Variants in LRRTM4 observed in about 807,000 individuals in gnomAD.
LRRTM4 encodes leucine-rich repeat transmembrane neuronal protein 4.
Under a neutral mutation model 47.6 loss-of-function variants are expected in LRRTM4, and 25 were observed. The ratio of observed to expected loss-of-function variants is 0.53; its 90% CI spans 0.38 to 0.73. LRRTM4 has a LOEUF of 0.73. LRRTM4 is among the 30% of genes least tolerant of loss of function. The pLI, the probability that LRRTM4 is intolerant of heterozygous loss-of-function variation, is 0.00. For synonymous variants in LRRTM4, 311 were observed against 269.5 expected, an observed-to-expected ratio of 1.15 and a Z score of -1.51; for missense variants, 638 against 713.4, an observed-to-expected ratio of 0.89 and a Z score of 1.20.
chr2:77,360,476 TGATACGATAC>T (rs138905032), intron 3 of LRRTM4, among the ~76,000 whole-genome samples: 45,929 of 123,272 alleles, frequency 0.37, 9,525 homozygotes, highest in Non-Finnish European at 0.45. Context: ...CAATACGATA[TGATACGATAC>T]GATACGATAC....
At chr2:77,137,000 T>C (rs931462309) in intron 3 of LRRTM4, among the ~76,000 whole-genome samples, 3 of 152,034 alleles carry the variant, frequency 2.0e-5, no homozygotes, top group African/African-American at 4.8e-5. Context: ...CTACGTCTGA[T>C]TGGTGTACCT....
chr2:77,283,808 C>T (rs1676574058), intron 3 of LRRTM4, among the ~76,000 whole-genome samples: 1 of 151,852 alleles, frequency 6.6e-6, no homozygotes, highest in Admixed American at 6.6e-5. Flanking sequence ...ACAATAAAAA[C>T]TGGGGATTAC....
intron 3 of LRRTM4, among the ~76,000 whole-genome samples, chr2:77,339,567 T>C (rs569315661): frequency 2.0e-5 from 3 of 152,186 alleles, no homozygotes; most frequent in African/African-American, 4.8e-5. Flanking sequence ...CAATTAGAGA[T>C]GAAGAAATGA....
chr2:76,998,072 A>C (rs1677267023), intron 3 of LRRTM4, among the ~76,000 whole-genome samples: 1 of 152,018 alleles, frequency 6.6e-6, no homozygotes, highest in Admixed American at 6.6e-5. Flanking sequence ...ATATATTACA[A>C]TATAATAATA....
intron 3 of LRRTM4, among the ~76,000 whole-genome samples, chr2:77,171,496 C>T (rs1430697128): frequency 1.3e-5 from 2 of 151,946 alleles, no homozygotes; most frequent in African/African-American, 2.4e-5. Flanking sequence ...TGGCTGGTCT[C>T]GAACTCCTGA....
At chr2:76,795,676 T>C (rs1178287231) in intron 3 of LRRTM4, among the ~76,000 whole-genome samples, 1 of 152,130 alleles carries the variant, frequency 6.6e-6, no homozygotes, top group Non-Finnish European at 1.5e-5. Flanking sequence ...AACATTTCAA[T>C]GAACATGATG....
intron 3 of LRRTM4, among the ~76,000 whole-genome samples, chr2:76,961,375 G>A (rs1440033625): frequency 6.6e-6 from 1 of 150,766 alleles, no homozygotes; most frequent in Non-Finnish European, 1.5e-5. Context: ...TCACAGATCT[G>A]TTAGCTTGCC....
intron 3 of LRRTM4, among the ~76,000 whole-genome samples, chr2:76,913,371 A>G (rs1026673381): frequency 1.3e-5 from 2 of 151,436 alleles, no homozygotes; most frequent in African/African-American, 4.9e-5. Context: ...ATTATTGCTG[A>G]TCTAGGATGA....
At chr2:76,987,201 G>A (rs528146286) in intron 3 of LRRTM4, among the ~76,000 whole-genome samples, 2 of 151,698 alleles carry the variant, frequency 1.3e-5, no homozygotes, top group East Asian at 1.9e-4. Context: ...AAGAAGTATT[G>A]TTTCTTTTTA....
At chr2:76,794,753 T>C (rs928561051) in intron 3 of LRRTM4, among the ~76,000 whole-genome samples, 1 of 152,190 alleles carries the variant, frequency 6.6e-6, no homozygotes, top group Non-Finnish European at 1.5e-5. Flanking sequence ...TCTTGTACTT[T>C]TGTGGGATGT....
chr2:76,819,345 T>A (rs1030755806), intron 3 of LRRTM4, among the ~76,000 whole-genome samples: 1 of 151,842 alleles, frequency 6.6e-6, no homozygotes, highest in Non-Finnish European at 1.5e-5. Flanking sequence ...GTCATAAAAA[T>A]AGTACGCATA....
intron 3 of LRRTM4, among the ~76,000 whole-genome samples, chr2:77,165,423 A>G (rs1370196157): frequency 1.3e-5 from 2 of 152,196 alleles, no homozygotes; most frequent in Admixed American, 6.5e-5. Context: ...AACTATTCCA[A>G]TCAGTAGAAA....
intron 3 of LRRTM4, among the ~76,000 whole-genome samples, chr2:76,920,752 A>T (rs1430633572): frequency 6.6e-6 from 1 of 152,080 alleles, no homozygotes; most frequent in African/African-American, 2.4e-5. Context: ...TGCATGGTAG[A>T]TTCTCAACAA....
intron 3 of LRRTM4, among the ~76,000 whole-genome samples, chr2:77,003,278 AT>A (rs1193761564): frequency 2.6e-5 from 4 of 151,412 alleles, no homozygotes; most frequent in Admixed American, 6.6e-5. Flanking sequence ...TTATTTGCTT[AT>A]TTTCATTATT....
rs150396128 is a variant in LRRTM4 at position 76,875,408 on chromosome 2, A to AT, written c.1552-126493dup. On this transcript the variant is annotated intron_variant, in intron 3 of 3. Coordinates refer to ENST00000409884, the MANE Select transcript of LRRTM4 (RefSeq NM_001134745.3). The stretch of plus-strand genomic sequence containing the variant: ...CATATTGCTTTTACACTACAGACTG[A>AT]TTTTTTAGCCCTCTACATTCCCAGG... 3.8e-3 allele frequency among the ~76,000 whole-genome samples: 583 copies of AT among 152,148 alleles called. 1 individual carries two copies. The highest frequency in any genetic ancestry group is 6.9e-3 in the Non-Finnish European group (472 of 67,956).
chr2:76,793,115 A>G (rs1251796015), intron 3 of LRRTM4, among the ~76,000 whole-genome samples: 1 of 152,168 alleles, frequency 6.6e-6, no homozygotes, highest in Non-Finnish European at 1.5e-5. Flanking sequence ...TTACAGGTTA[A>G]TATTTTCCCT....
At chr2:77,420,005 G>A (rs1674808758) in intron 3 of LRRTM4, among the ~76,000 whole-genome samples, 1 of 152,186 alleles carries the variant, frequency 6.6e-6, no homozygotes, top group African/African-American at 2.4e-5. Context: ...GTCTGCACTT[G>A]AGGTTTCTCA....
intron 3 of LRRTM4, among the ~76,000 whole-genome samples, chr2:77,263,300 T>G (rs6731544): frequency 0.13 from 19,510 of 152,048 alleles, 4,200 homozygotes; most frequent in African/African-American, 0.44. Context: ...TCCTTTGCAA[T>G]AAACCAGCAA....
intron 3 of LRRTM4, among the ~76,000 whole-genome samples, chr2:77,175,468 C>T (rs1224452369): frequency 6.6e-6 from 1 of 152,092 alleles, no homozygotes; most frequent in East Asian, 1.9e-4. Context: ...TGTGTCTAGA[C>T]TTGCTGGCTC....
Sources: gnomAD v4.1 joint callset for allele counts (sites outside exome capture counted in the v4.1 genomes callset) on GRCh38, gnomAD v4.1.1 for gene constraint, MANE v1.5 for transcripts, NCBI Gene and HGNC (gene_info 2026-07-23, HGNC 2026-07-21) for gene names.